Variants in WNK1 observed in about 807,000 individuals in gnomAD.
The protein encoded by WNK1 is WNK lysine deficient protein kinase 1.
Under a neutral mutation model 222.8 loss-of-function variants are expected in WNK1, and 38 were observed. The ratio of observed to expected loss-of-function variants is 0.17; its 90% confidence interval spans 0.13 to 0.22. WNK1 has a LOEUF of 0.22. Ranked by LOEUF, WNK1 falls within the 10% of genes least tolerant of loss-of-function variation. The pLI is 1.00. For missense variants in WNK1, 2,348 were observed against 2,918.4 expected (o/e 0.80, Z 4.50); for synonymous variants, 1,090 against 1,092.9 (o/e 1.00, Z 0.05).
intron 1 of WNK1, among the ~76,000 whole-genome samples, chr12:812,797 A>G (rs1040253917): frequency 2.6e-5 from 4 of 152,238 alleles, no homozygotes; most frequent in African/African-American, 9.6e-5. Flanking sequence ...AGTTATACAC[A>G]TACTCACACA....
intron 4 of WNK1, among the ~76,000 whole-genome samples, chr12:855,679 C>G (rs1299194987): frequency 6.6e-6 from 1 of 152,170 alleles, no homozygotes; most frequent in South Asian, 2.1e-4. Context: ...TACAGTGCCA[C>G]TTGAACAGCA....
In WNK1 at chr12:859,632, G is replaced by GTGTGTGTGTGTGGTT. The variant is rs369513114; in HGVS notation, c.1620+169_1620+170insGTGTGTGTGTGGTTT. On this transcript the variant is annotated intron_variant, in intron 6 of 27. Coordinates refer to ENST00000315939, the MANE Select transcript of WNK1 (RefSeq NM_018979.4). ...ATTAGTGGGATTTTCGTGTGTGTGT[G>GTGTGTGTGTGTGGTT]TTTTTTTTTTTTTTAAACTTCTTTG... Among the ~76,000 whole-genome samples, 240 of 122,646 alleles carry GTGTGTGTGTGTGGTT rather than the reference G, an allele frequency of 2.0e-3. 2 individuals are homozygous for GTGTGTGTGTGTGGTT. The highest frequency in any genetic ancestry group is 0.014 in the South Asian group (55 of 3,832). 80.5% of individuals were successfully genotyped at this position (122,646 alleles called of 152,430 possible). A position where few individuals can be genotyped will look rare whatever the true frequency, so the allele number is the denominator to read the frequency against.
intron 4 of WNK1, among the ~76,000 whole-genome samples, chr12:855,161 TCAG>T (rs1314484156): frequency 6.6e-6 from 1 of 152,208 alleles, no homozygotes; most frequent in Admixed American, 6.5e-5. Flanking sequence ...GGCTTTTGCT[TCAG>T]CAGCATTATT....
intron 1 of WNK1, among the ~76,000 whole-genome samples, chr12:805,197 A>G (rs1049019197): frequency 2.6e-5 from 4 of 152,092 alleles, no homozygotes; most frequent in Admixed American, 6.5e-5. Flanking sequence ...TTGAGGAACT[A>G]TCGTGCTCTT....
intron 4 of WNK1, among the ~76,000 whole-genome samples, chr12:839,884 A>ATT (rs781052888): frequency 5.8e-4 from 75 of 128,418 alleles, no homozygotes; most frequent in South Asian, 1.0e-3. Flanking sequence ...TGCCTGGCTA[A>ATT]TTTTTTTTTT....
intron 1 of WNK1, among the ~76,000 whole-genome samples, chr12:779,637 A>G (rs1943486488): frequency 1.3e-5 from 2 of 152,150 alleles, no homozygotes; most frequent in African/African-American, 2.4e-5. Context: ...CTTGACCTCA[A>G]GTGATCCACC....
chr12:900,348 C>T, intron 25 of WNK1, 128 bp from the exon 26 acceptor site: 2 of 969,804 alleles, frequency 2.1e-6, no homozygotes, highest in Non-Finnish European at 1.6e-6. Flanking sequence ...TTGTTCTTCT[C>T]ATCAGTTTGT....
intron 1 of WNK1, among the ~76,000 whole-genome samples, chr12:773,016 T>A (rs925780520): frequency 1.3e-5 from 2 of 152,202 alleles, no homozygotes; most frequent in African/African-American, 4.8e-5. Context: ...TCCAGCACTT[T>A]GGGAGGCCAA....
chr12:802,179 G>A (rs1056384045), intron 1 of WNK1, among the ~76,000 whole-genome samples: 63 of 152,124 alleles, frequency 4.1e-4, no homozygotes, highest in African/African-American at 1.4e-3. Context: ...GTGAATGAAC[G>A]TTTTAAAGCC....
chr12:836,737 G>T (rs1347206671), intron 4 of WNK1, among the ~76,000 whole-genome samples: 3 of 152,140 alleles, frequency 2.0e-5, no homozygotes, highest in Admixed American at 6.5e-5. Context: ...CAAGTCATAG[G>T]CTTTCAGTAG....
chr12:757,341 AAAAG>A (rs1940237737), intron 1 of WNK1, among the ~76,000 whole-genome samples: 3 of 123,904 alleles, frequency 2.4e-5, no homozygotes, highest in South Asian at 6.1e-4. Flanking sequence ...TTTAAAAAAA[AAAAG>A]AGACGGAGTC....
At position 885,195 on chromosome 12, in the gene WNK1, C is replaced by T. The variant is rs370909801; in HGVS notation, c.4391C>T (p.Thr1464Ile). ...SATSASAGGS[T>I]ATPGPKPPAV... is the part of the protein sequence containing the mutation. Reference sequence around the variant, plus strand: ...ACTTCAGCCTCTGCAGGGGGCAGTACTGCTACCCCAGGTCCTAAGCCTCCA... The same window carrying T: ...ACTTCAGCCTCTGCAGGGGGCAGTATTGCTACCCCAGGTCCTAAGCCTCCA... The change falls in exon 19 of 28, where the codon ACT becomes ATT. Residue 1464 changes from threonine to isoleucine, a missense_variant. Physicochemically the swap from Thr to Ile is moderately conservative, Grantham distance 89 (BLOSUM62 -1). Transcript: ENST00000315939. 2 of 1,614,082 alleles carry T rather than the reference C, an allele frequency of 1.2e-6. No individual in the cohort carries two copies. The highest frequency in any genetic ancestry group is 2.7e-5 in the African/African-American group (2 of 74,928).
At position 903,955 on chromosome 12, in the gene WNK1, G is replaced by A. The variant is rs17755458; in HGVS notation, c.6643+3285G>A. ...GGAAGGGGTTAGTATATATATGTGG[G>A]ATGTGGAAATATAATAGCCAATTTA... On this transcript the variant is annotated intron_variant, in intron 26 of 27. Coordinates refer to ENST00000315939, the MANE Select transcript of WNK1 (RefSeq NM_018979.4). 3.4e-3 allele frequency among the ~76,000 whole-genome samples: 520 copies of A among 152,334 alleles called. 1 individual carries two copies. Among genetic ancestry groups the A allele is most frequent in the Admixed American group, 5.2e-3 (79 of 15,292 alleles).
chr12:819,469 G>A lies in WNK1; in HGVS notation c.932+5655G>A, dbSNP rs11838147. Among the ~76,000 whole-genome samples, 1,095 of 152,244 alleles carry A rather than the reference G, an allele frequency of 7.2e-3. 13 individuals are homozygous for A. The highest frequency in any genetic ancestry group is 0.023 in the African/African-American group (963 of 41,554). ...ATGTTCAAATGAGCATTTTTGTTGT[G>A]TGTCATGTTGGTGCTCAAGTTCAGA... On this transcript the variant is annotated intron_variant, in intron 2 of 27. Coordinates refer to ENST00000315939, the MANE Select transcript of WNK1 (RefSeq NM_018979.4).
At chr12:857,423 T>C (rs1403884950) in intron 5 of WNK1, among the ~76,000 whole-genome samples, 174 bp downstream of exon 5, 1 of 152,236 alleles carries the variant, frequency 6.6e-6, no homozygotes, top group Non-Finnish European at 1.5e-5. Context: ...AGATTTGATA[T>C]ACTGGAACAC....
chr12:900,659 C>T lies in WNK1; in HGVS notation c.6632C>T (p.Ala2211Val). The change falls in exon 26 of 28, where the codon GCT becomes GTT. Residue 2211 changes from alanine (A) to valine (V), a missense_variant. Coordinates refer to ENST00000315939, the MANE Select transcript of WNK1 (RefSeq NM_018979.4). Reference protein sequence around the residue: ...DGAISVPSLSAPGQGTSSTNT... With the variant: ...DGAISVPSLSVPGQGTSSTNT... The stretch of plus-strand genomic sequence containing the variant: ...GCCATTTCAGTACCAAGCCTTTCTG[C>T]TCCAGGTCAAGGTAATAAAGCAACC... 6.2e-7 allele frequency: 1 copy of T among 1,614,200 alleles called. No homozygotes were observed. Among genetic ancestry groups the T allele is most frequent in the Non-Finnish European group, 8.5e-7 (1 of 1,180,022 alleles).
intron 11 of WNK1, 120 bp from the exon 12 acceptor site, chr12:880,601 A>G: frequency 9.2e-7 from 1 of 1,085,744 alleles, no homozygotes; most frequent in Non-Finnish European, 1.4e-6. Flanking sequence ...TATTAGAAAG[A>G]GATTGGCTAC....
At chr12:777,022 A>C (rs926133402) in intron 1 of WNK1, among the ~76,000 whole-genome samples, 1 of 152,102 alleles carries the variant, frequency 6.6e-6, no homozygotes, top group Non-Finnish European at 1.5e-5. Flanking sequence ...TATTGTTACT[A>C]TTCTGTGATT....
rs1955917821 is a variant in WNK1, at chr12:908,893, A to G, written c.*101A>G. ...CCTATATACTAACTACTAGTGCTGC[A>G]TTTAACTGGTTATTTCTTGCCAGAG... On this transcript the variant is annotated 3_prime_UTR_variant, in exon 28 of 28. Transcript: ENST00000315939. The G allele has an allele frequency of 1.5e-6, 2 of 1,293,294 alleles. No individual in the cohort carries two copies. The highest frequency in any genetic ancestry group is 2.2e-6 in the Non-Finnish European group (2 of 916,928). 80.1% of individuals were successfully genotyped at this position (1,293,294 alleles called of 1,614,324 possible).
Sources: allele counts gnomAD v4.1 joint callset (sites outside exome capture counted in the v4.1 genomes callset), GRCh38; gene constraint gnomAD v4.1.1; transcripts MANE v1.5; gene names NCBI Gene and HGNC (gene_info 2026-07-23, HGNC 2026-07-21).